The following KIAA0825 variants were observed in gnomAD, a reference collection of about 807,000 sequenced individuals.
The protein encoded by KIAA0825 is uncharacterized protein KIAA0825.
In KIAA0825, 119 loss-of-function variants were observed where a neutral mutation model predicts 147.6. That is an observed-to-expected ratio of 0.81 (90% CI 0.69 to 0.94). The LOEUF is 0.94. Among genes scored for constraint, KIAA0825 ranks in the 40% least tolerant of loss-of-function variants. KIAA0825 has a pLI of 0.00. For synonymous variants in KIAA0825, 470 were observed against 518.1 expected (o/e 0.91, Z 1.26); for missense variants, 1,381 against 1,472.7 (o/e 0.94, Z 1.02).
At chr5:94,401,979 C>A (rs1751438319) in intron 16 of KIAA0825, among the ~76,000 whole-genome samples, 2 of 152,108 alleles carry the variant, frequency 1.3e-5, no homozygotes, top group Admixed American at 6.6e-5. Flanking sequence ...TTTCAGAGGG[C>A]AGTAAAGAAG....
At chr5:94,591,112 A>C (rs1784274678) in intron 1 of KIAA0825, among the ~76,000 whole-genome samples, 1 of 152,200 alleles carries the variant, frequency 6.6e-6, no homozygotes, top group African/African-American at 2.4e-5. Context: ...AGAAATATAA[A>C]CCCACAAAAA....
chr5:94,485,673 T>A (rs1266480410), intron 5 of KIAA0825, among the ~76,000 whole-genome samples: 3 of 151,820 alleles, frequency 2.0e-5, no homozygotes, highest in African/African-American at 7.2e-5. Flanking sequence ...TGGTCAGATA[T>A]TAACATTTGG....
At chr5:94,474,969 G>C (rs1388864073) in intron 7 of KIAA0825, among the ~76,000 whole-genome samples, 1 of 151,918 alleles carries the variant, frequency 6.6e-6, no homozygotes, top group Non-Finnish European at 1.5e-5. Flanking sequence ...CGTGCCTGTA[G>C]TCCCAGCTAC....
At chr5:94,610,858 G>A (rs1027691909) in intron 1 of KIAA0825, among the ~76,000 whole-genome samples, 17 of 143,734 alleles carry the variant, frequency 1.2e-4, no homozygotes, top group Admixed American at 2.8e-4. Flanking sequence ...CAAAATACTC[G>A]TCTATATTAC....
At chr5:94,263,627 C>T (rs1243934449) in intron 20 of KIAA0825, among the ~76,000 whole-genome samples, 2 of 152,096 alleles carry the variant, frequency 1.3e-5, no homozygotes, top group Admixed American at 6.6e-5. Context: ...TGTTCTCTTT[C>T]GCCAAGACCT....
chr5:94,450,367 G>GCC (rs1416521241), intron 13 of KIAA0825, among the ~76,000 whole-genome samples: 1 of 145,964 alleles, frequency 6.9e-6, no homozygotes, highest in Non-Finnish European at 1.5e-5. Context: ...CACCCAGCAA[G>GCC]TTTGGGGAAT....
At chr5:94,574,112 G>A (rs944953385) in intron 2 of KIAA0825, among the ~76,000 whole-genome samples, 2 of 152,154 alleles carry the variant, frequency 1.3e-5, no homozygotes, top group African/African-American at 4.8e-5. Context: ...AAAAAGGAAG[G>A]CAAAGGATTT....
chr5:94,561,856 T>G (rs943139301), intron 2 of KIAA0825, among the ~76,000 whole-genome samples: 1 of 152,198 alleles, frequency 6.6e-6, no homozygotes, highest in African/African-American at 2.4e-5. Flanking sequence ...AAAATCATAT[T>G]TATGAAAGGC....
Position 94,477,860 on chromosome 5 carries a change from T to C in KIAA0825, c.1133-655A>G, listed in dbSNP as rs1015171955. Among the ~76,000 whole-genome samples the C allele has an allele frequency of 4.6e-5, 7 of 152,160 alleles. 1 individual carries two copies. Among genetic ancestry groups the C allele is most frequent in the Non-Finnish European group, 1.0e-4 (7 of 68,022 alleles). On this transcript the variant is annotated intron_variant, in intron 6 of 20. Coordinates refer to ENST00000682413, the MANE Select transcript of KIAA0825 (RefSeq NM_001145678.3). ...ATTTGATCTATAAAAATGTAATAAA[T>C]AACTACTCCAAAATAAATCTTTCTA...
At chr5:94,356,374 G>A (rs1054079071) in intron 20 of KIAA0825, among the ~76,000 whole-genome samples, 5 of 151,846 alleles carry the variant, frequency 3.3e-5, no homozygotes, top group Non-Finnish European at 7.4e-5. Flanking sequence ...TTGGGAGGCC[G>A]AAGTGGGCGG....
chr5:94,293,002 T>C (rs1777970845), intron 20 of KIAA0825, among the ~76,000 whole-genome samples: 1 of 152,144 alleles, frequency 6.6e-6, no homozygotes, highest in Non-Finnish European at 1.5e-5. Context: ...TCTTCTCTCT[T>C]TTTTTCTTTA....
chr5:94,511,097 C>T (rs1248789270), intron 5 of KIAA0825, among the ~76,000 whole-genome samples: 1 of 152,052 alleles, frequency 6.6e-6, no homozygotes, highest in Non-Finnish European at 1.5e-5. Flanking sequence ...AACTCCCTTG[C>T]CCCTTCTACC....
At chr5:94,258,698 GA>G (rs1402560350) in intron 20 of KIAA0825, among the ~76,000 whole-genome samples, 1 of 151,992 alleles carries the variant, frequency 6.6e-6, no homozygotes, top group Non-Finnish European at 1.5e-5. Context: ...CTACATCACT[GA>G]AAAGTGATTG....
chr5:94,595,466 G>A (rs1415067574), intron 1 of KIAA0825, among the ~76,000 whole-genome samples: 5 of 152,158 alleles, frequency 3.3e-5, no homozygotes, highest in East Asian at 3.8e-4. Flanking sequence ...GCACACAGCA[G>A]CAAAGCCATG....
chr5:94,274,581 G>A (rs968842105), intron 20 of KIAA0825, among the ~76,000 whole-genome samples: 8 of 152,120 alleles, frequency 5.3e-5, no homozygotes, highest in Non-Finnish European at 1.5e-5. Flanking sequence ...TAATGAGGCT[G>A]ATCAGGTATG....
intron 20 of KIAA0825, among the ~76,000 whole-genome samples, chr5:94,345,858 G>A (rs1371820523): frequency 6.6e-6 from 1 of 151,930 alleles, no homozygotes; most frequent in African/African-American, 2.4e-5. Context: ...CCCTCTTAAG[G>A]GCTTACACCT....
chr5:94,231,214 G>A (rs1774671676), intron 20 of KIAA0825, among the ~76,000 whole-genome samples: 1 of 152,080 alleles, frequency 6.6e-6, no homozygotes, highest in Admixed American at 6.6e-5. Context: ...AGTGTTCTAT[G>A]TGTCTCAACA....
At chr5:94,496,822 T>A (rs1363516484) in intron 5 of KIAA0825, among the ~76,000 whole-genome samples, 1 of 152,154 alleles carries the variant, frequency 6.6e-6, no homozygotes, top group African/African-American at 2.4e-5. Context: ...GTGGAGGTTG[T>A]TAGCAGGGAG....
At position 94,557,201 on chromosome 5, in the gene KIAA0825, C is replaced by T. The variant is rs1399912630; in HGVS notation, c.-1-20074G>A. 5.3e-5 allele frequency among the ~76,000 whole-genome samples: 8 copies of T among 152,158 alleles called. No homozygotes were observed. In the South Asian group the frequency reaches 1.2e-3, roughly 24 times the overall value. On this transcript the variant is annotated intron_variant, in intron 2 of 20. Transcript: ENST00000682413. ...CGATCACAGTTCACTGCAGCCTTGA[C>T]CTCCTGGGCCAAGTGATCCTCCCAC...
Sources: gnomAD v4.1 joint callset for allele counts (sites outside exome capture counted in the v4.1 genomes callset) on GRCh38, gnomAD v4.1.1 for gene constraint, MANE v1.5 for transcripts, NCBI Gene and HGNC (gene_info 2026-07-23, HGNC 2026-07-21) for gene names.